Variants in CACNG4 observed in about 807,000 individuals in gnomAD.
CACNG4 encodes the protein voltage-dependent calcium channel gamma-4 subunit.
In CACNG4, 8 loss-of-function variants were observed where a neutral mutation model predicts 22.9. The ratio of observed to expected loss-of-function variants is 0.35; its 90% CI spans 0.21 to 0.63. CACNG4 has a LOEUF of 0.63. Ranked by LOEUF, CACNG4 falls within the 30% of genes least tolerant of loss-of-function variation. The pLI is 0.72. For missense variants in CACNG4, 357 were observed against 455.4 expected (o/e 0.78, Z 1.97); for synonymous variants, 188 against 191.9 (o/e 0.98, Z 0.17).
At chr17:67,004,957 C>G (rs2035428847) in intron 1 of CACNG4, among the ~76,000 whole-genome samples, 1 of 152,162 alleles carries the variant, frequency 6.6e-6, no homozygotes, top group Non-Finnish European at 1.5e-5. Context: ...CTCCTGGGCT[C>G]AAGCAATCCG....
intron 2 of CACNG4, among the ~76,000 whole-genome samples, chr17:67,023,270 C>CTTTTTTTTTTTTTTTT (rs3043068): frequency 1.3e-5 from 1 of 79,784 alleles, no homozygotes; most frequent in Non-Finnish European, 2.2e-5. Context: ...AAGACCTCTT[C>CTTTTTTTTTTTTTTTT]TTTTTTTTTT....
chr17:66,999,619 T>C (rs1037750055), intron 1 of CACNG4, among the ~76,000 whole-genome samples: 2 of 152,036 alleles, frequency 1.3e-5, no homozygotes, highest in Non-Finnish European at 2.9e-5. Flanking sequence ...TCAGATCTCG[T>C]GAGAACTCAC....
At chr17:67,020,994 A>G (rs1322324678) in intron 2 of CACNG4, among the ~76,000 whole-genome samples, 1 of 152,196 alleles carries the variant, frequency 6.6e-6, no homozygotes, top group Non-Finnish European at 1.5e-5. Context: ...GCTTGAGGTT[A>G]GGAGTTCCAG....
chr17:66,984,193 C>A lies in CACNG4; in HGVS notation c.220+19062C>A, dbSNP rs1431239803. Among the ~76,000 whole-genome samples, 4 of 150,352 alleles carry A rather than the reference C, an allele frequency of 2.7e-5. No homozygotes were observed. On this transcript the variant is annotated intron_variant, in intron 1 of 3. Coordinates refer to ENST00000262138, the MANE Select transcript of CACNG4 (RefSeq NM_014405.4). The surrounding 1 kb of genome is among the most constrained non-coding windows in gnomAD (Gnocchi z 4.0). ...CAGGAGTTCAAGACCAGTTTGGCAA[C>A]ATAATGAGACCCCGTTTCTAACAAC...
intron 2 of CACNG4, among the ~76,000 whole-genome samples, chr17:67,021,234 T>C (rs1261113401): frequency 2.6e-5 from 4 of 151,072 alleles, no homozygotes; most frequent in Admixed American, 2.0e-4. Flanking sequence ...GGGCCTGCTA[T>C]GTACCAGGCA....
intron 1 of CACNG4, among the ~76,000 whole-genome samples, chr17:66,986,214 C>T (rs552984176): frequency 7.9e-5 from 12 of 152,206 alleles, no homozygotes; most frequent in Non-Finnish European, 1.6e-4. Flanking sequence ...AAGGGCCCTT[C>T]GCTCCATCAT....
chr17:67,002,772 C>A (rs2035416157), intron 1 of CACNG4, among the ~76,000 whole-genome samples: 1 of 152,200 alleles, frequency 6.6e-6, no homozygotes, highest in Non-Finnish European at 1.5e-5. Context: ...CCTCTCTGAA[C>A]CTTGGCTTTC....
intron 1 of CACNG4, among the ~76,000 whole-genome samples, chr17:66,991,813 C>G (rs1000304320): frequency 5.3e-5 from 8 of 152,214 alleles, no homozygotes; most frequent in African/African-American, 1.7e-4. Flanking sequence ...TCACCTGGCC[C>G]TGATGTTGAA....
intron 1 of CACNG4, among the ~76,000 whole-genome samples, chr17:66,974,621 G>A (rs967531066): frequency 6.6e-6 from 1 of 152,126 alleles, no homozygotes; most frequent in African/African-American, 2.4e-5. Flanking sequence ...GGTACCTCTG[G>A]GTGGAATCAG....
intron 1 of CACNG4, among the ~76,000 whole-genome samples, chr17:66,985,790 T>C (rs1324797744): frequency 1.3e-5 from 2 of 152,044 alleles, no homozygotes; most frequent in Non-Finnish European, 2.9e-5. Flanking sequence ...CGATTCTGTG[T>C]GGAAATGCGT....
At chr17:67,016,260 G>A (rs1338444919) in intron 1 of CACNG4, among the ~76,000 whole-genome samples, 4 of 152,218 alleles carry the variant, frequency 2.6e-5, no homozygotes, top group South Asian at 2.1e-4. Flanking sequence ...TAATAACTAC[G>A]TTGTTCATGC....
chr17:66,971,623 T>C (rs1318417984), intron 1 of CACNG4, among the ~76,000 whole-genome samples: 1 of 152,020 alleles, frequency 6.6e-6, no homozygotes, highest in Non-Finnish European at 1.5e-5. Context: ...AGGGGGCCGC[T>C]GTTGGCTGGT....
At chr17:67,005,603 A>C (rs1002031557) in intron 1 of CACNG4, among the ~76,000 whole-genome samples, 3 of 152,180 alleles carry the variant, frequency 2.0e-5, no homozygotes, top group African/African-American at 7.2e-5. Context: ...CCTGCTTCCT[A>C]AGGGAACCAG....
intron 1 of CACNG4, among the ~76,000 whole-genome samples, chr17:66,986,180 A>C (rs987574650): frequency 7.2e-5 from 11 of 152,224 alleles, no homozygotes; most frequent in Non-Finnish European, 1.6e-4. Flanking sequence ...AGCTGGGGAC[A>C]GGGAGGTAGG....
intron 1 of CACNG4, among the ~76,000 whole-genome samples, chr17:67,010,333 T>C (rs1249276028): frequency 3.3e-5 from 5 of 152,146 alleles, no homozygotes; most frequent in Non-Finnish European, 7.3e-5. Context: ...CTAAGGAGTG[T>C]TGGGGACATG....
chr17:66,989,885 T>C (rs981131275), intron 1 of CACNG4, among the ~76,000 whole-genome samples: 1 of 151,950 alleles, frequency 6.6e-6, no homozygotes, highest in Non-Finnish European at 1.5e-5. Context: ...CGAAGCAACA[T>C]GAAAATTTTT....
intron 1 of CACNG4, among the ~76,000 whole-genome samples, chr17:66,971,228 G>GGAGGAGGGGTTTCCAGCCAGAAGAGCCTT (rs776815645): frequency 6.6e-5 from 10 of 150,684 alleles, no homozygotes; most frequent in African/African-American, 2.5e-4. Context: ...GGTCCTTGCT[G>GGAGGAGGGGTTTCCAGCCAGAAGAGCCTT]GAGGAGGGGT....
At chr17:67,020,536 C>T (rs1025034547) in intron 2 of CACNG4, among the ~76,000 whole-genome samples, 3 of 152,186 alleles carry the variant, frequency 2.0e-5, no homozygotes, top group African/African-American at 7.2e-5. Flanking sequence ...TGGCAGAAGT[C>T]AGGGCGGGGT....
intron 1 of CACNG4, among the ~76,000 whole-genome samples, chr17:67,015,183 C>T (rs1434881550): frequency 2.0e-5 from 3 of 152,138 alleles, no homozygotes; most frequent in Admixed American, 6.5e-5. Flanking sequence ...CGCAGAATTC[C>T]GCTCAGAAAT....
Sources: allele counts gnomAD v4.1 joint callset (sites outside exome capture counted in the v4.1 genomes callset), GRCh38; gene constraint gnomAD v4.1.1; non-coding constraint Gnocchi (gnomAD v3.1); transcripts MANE v1.5; gene names NCBI Gene and HGNC (gene_info 2026-07-23, HGNC 2026-07-21).